The following PRAG1 variants were observed in gnomAD, a reference collection of about 807,000 sequenced individuals.
PRAG1 encodes the protein PEAK1 related, kinase-activating pseudokinase 1, also known as inactive tyrosine-protein kinase PRAG1.
PRAG1 carries 110 observed loss-of-function variants against 95.6 expected under a neutral mutation model. That is an observed-to-expected ratio of 1.15 (90% CI 0.99 to 1.35). The LOEUF (loss-of-function observed/expected upper bound fraction) is 1.35. Ranked by LOEUF, PRAG1 falls within the 40% of genes most tolerant of loss-of-function variation. The pLI is 0.00. For synonymous variants in PRAG1, 1,052 were observed against 819.4 expected (o/e 1.28, Z -4.85); for missense variants, 2,554 against 1,864.7 (o/e 1.37, Z -6.81).
In PRAG1 at chr8:8,339,508, C is replaced by T. The variant is rs1323003421; in HGVS notation, c.2290G>A (p.Ala764Thr). The change falls in exon 4 of 6, where the codon GCC (alanine) becomes ACC (threonine). Residue 764 changes from alanine (A) to threonine (T), a missense_variant. Physicochemically the swap from Ala to Thr is moderately conservative, Grantham distance 58. Transcript: ENST00000615670. ...SFTTGSTDSLASDSRTCSDGG... is the reference protein window; with the variant it reads ...SFTTGSTDSLTSDSRTCSDGG... ...TCGCTGCAGGTCCTAGAGTCTGAGGCCAGGCTGTCCGTGGAGCCGGTGGTG... is the reference window on the plus strand; with the variant it reads ...TCGCTGCAGGTCCTAGAGTCTGAGGTCAGGCTGTCCGTGGAGCCGGTGGTG... 3 of 1,614,166 alleles carry T rather than the reference C, an allele frequency of 1.9e-6. No individual in the cohort carries two copies. The highest frequency in any genetic ancestry group is 2.5e-6 in the Non-Finnish European group (3 of 1,180,024).
rs866561746 is a variant in PRAG1 at position 8,384,927 on chromosome 8, C to T, written c.-88+1394G>A. Among the ~76,000 whole-genome samples the T allele has an allele frequency of 5.3e-5, 8 of 152,172 alleles. No homozygotes were observed. In the South Asian group the frequency reaches 1.7e-3, roughly 32 times the overall value. Reference sequence around the variant, plus strand: ...CCAAGTCATGAAAAAAATGTCTTTGCCTCTGCAAACTTCTGCACTAGATTT... The same window carrying T: ...CCAAGTCATGAAAAAAATGTCTTTGTCTCTGCAAACTTCTGCACTAGATTT... On this transcript the variant is annotated intron_variant, in intron 1 of 5. Transcript: ENST00000615670.
chr8:8,346,602 T>C (rs1189969446), intron 3 of PRAG1, among the ~76,000 whole-genome samples: 1 of 152,234 alleles, frequency 6.6e-6, no homozygotes, highest in Non-Finnish European at 1.5e-5. Context: ...AGCCATCTGC[T>C]AGACTTCCTC....
In PRAG1 at chr8:8,381,741, G is replaced by A; in HGVS notation, c.7C>T (p.Gln3Ter). 1 of 1,584,074 alleles carries A rather than the reference G, an allele frequency of 6.3e-7. No individual in the cohort carries two copies. Among genetic ancestry groups the A allele is most frequent in the Non-Finnish European group, 8.6e-7 (1 of 1,160,960 alleles). ...CTCTCGGGGTTCAGGCAGAGGGTCT[G>A]GTGCATCTTGAGCCGACAGGGTGCT... MH[Q>*]TLCLNPESLK... is the part of the protein sequence containing the mutation. The change falls in exon 2 of 6, where the codon CAG (glutamine) becomes TAG (stop). Residue 3 changes from glutamine to a stop codon, truncating the protein, a stop_gained. Coordinates refer to ENST00000615670, the MANE Select transcript of PRAG1 (RefSeq NM_001080826.3). LOFTEE classifies it high-confidence loss of function.
intron 3 of PRAG1, among the ~76,000 whole-genome samples, chr8:8,360,001 C>T (rs1009542467): frequency 5.3e-5 from 8 of 152,124 alleles, no homozygotes; most frequent in Non-Finnish European, 8.8e-5. Flanking sequence ...CTGTCAATTC[C>T]TCTGAGGAAC....
intron 3 of PRAG1, among the ~76,000 whole-genome samples, chr8:8,351,810 C>T (rs1799531228): frequency 6.6e-6 from 1 of 152,112 alleles, no homozygotes; most frequent in Non-Finnish European, 1.5e-5. Context: ...CCCATGAGTA[C>T]CCTTAGCCTC....
intron 3 of PRAG1, among the ~76,000 whole-genome samples, chr8:8,352,448 C>G (rs1023599168): frequency 6.6e-6 from 1 of 152,180 alleles, no homozygotes; most frequent in Non-Finnish European, 1.5e-5. Flanking sequence ...ATTCATACTA[C>G]CTCTCAGGGC....
At chr8:8,334,435 C>CA (rs11373012) in intron 4 of PRAG1, among the ~76,000 whole-genome samples, 50,078 of 136,548 alleles carry the variant, frequency 0.37, 8,775 homozygotes, top group East Asian at 0.63. Context: ...GACTCCATCT[C>CA]AAAAAAAAAA....
At chr8:8,319,741 A>T (rs1264026681) in intron 5 of PRAG1, among the ~76,000 whole-genome samples, 1 of 152,206 alleles carries the variant, frequency 6.6e-6, no homozygotes, top group African/African-American at 2.4e-5. Context: ...GAATCATGGC[A>T]TGGAGGAAAA....
intron 3 of PRAG1, among the ~76,000 whole-genome samples, chr8:8,357,157 G>GACA (rs1799708153): frequency 6.6e-6 from 1 of 152,122 alleles, no homozygotes; most frequent in South Asian, 2.1e-4. Flanking sequence ...CAAAAGCAAA[G>GACA]ACAACAAAAG....
At chr8:8,350,709 G>C (rs887869387) in intron 3 of PRAG1, among the ~76,000 whole-genome samples, 1 of 152,192 alleles carries the variant, frequency 6.6e-6, no homozygotes, top group Admixed American at 6.5e-5. Flanking sequence ...CTGGGTTCGG[G>C]TCCTGACTCA....
At chr8:8,331,535 T>C (rs911481739) in intron 4 of PRAG1, among the ~76,000 whole-genome samples, 1 of 152,232 alleles carries the variant, frequency 6.6e-6, no homozygotes, top group African/African-American at 2.4e-5. Flanking sequence ...TGAAATCAAA[T>C]AGCTCTAGGC....
chr8:8,359,488 A>C (rs1180860572), intron 3 of PRAG1, among the ~76,000 whole-genome samples: 1 of 152,196 alleles, frequency 6.6e-6, no homozygotes, highest in Non-Finnish European at 1.5e-5. Flanking sequence ...CAACAGGATG[A>C]GTCGTCTAGA....
At chr8:8,338,919 C>G (rs899831573) in intron 4 of PRAG1, among the ~76,000 whole-genome samples, 7 of 152,116 alleles carry the variant, frequency 4.6e-5, no homozygotes, top group Non-Finnish European at 1.0e-4. Context: ...AACAAGAGTT[C>G]CTTTTTAGGG....
chr8:8,374,951 T>C (rs1004918623), intron 3 of PRAG1, among the ~76,000 whole-genome samples: 1 of 152,198 alleles, frequency 6.6e-6, no homozygotes, highest in African/African-American at 2.4e-5. Flanking sequence ...CGAGAAAGTC[T>C]GTTCAGAAAC....
intron 3 of PRAG1, among the ~76,000 whole-genome samples, chr8:8,360,060 A>G (rs1026583768): frequency 2.0e-5 from 3 of 152,176 alleles, no homozygotes; most frequent in Non-Finnish European, 2.9e-5. Context: ...GCAGCTCCTG[A>G]GTCAATCAAA....
At chr8:8,354,334 C>G (rs1799621495) in intron 3 of PRAG1, among the ~76,000 whole-genome samples, 1 of 152,028 alleles carries the variant, frequency 6.6e-6, no homozygotes, top group East Asian at 1.9e-4. Context: ...CTGAATTCTG[C>G]CAAACATTCA....
intron 5 of PRAG1, among the ~76,000 whole-genome samples, chr8:8,324,195 C>A (rs114223573): frequency 6.6e-6 from 1 of 152,160 alleles, no homozygotes; most frequent in East Asian, 1.9e-4. Context: ...ATTGTGCAAA[C>A]CCGAAGAGCA....
rs1370407305 is a variant in PRAG1 at position 8,372,344 on chromosome 8, G to A, written c.2162+3903C>T. ...CAAATTGCCATTAAGTCTTAAGCAT[G>A]ACATTTAAACTATGAGTTCACCCTT... On this transcript the variant is annotated intron_variant, in intron 3 of 5. Coordinates refer to ENST00000615670, the MANE Select transcript of PRAG1 (RefSeq NM_001080826.3). Among the ~76,000 whole-genome samples the A allele has an allele frequency of 2.0e-5, 3 of 152,206 alleles. No homozygotes were observed. In the East Asian group the frequency reaches 5.8e-4, roughly 29 times the overall value.
Position 8,377,394 on chromosome 8 carries a change from C to G in PRAG1, c.1015G>C (p.Asp339His). Residue 339 changes from aspartate (D) to histidine (H), a missense_variant, in exon 3 of 6, where the codon GAC (aspartate) becomes CAC (histidine). By Grantham distance (81) the Asp-to-His change is moderately conservative (BLOSUM62 -1). Transcript: ENST00000615670. ...SLTSEAAISSDGLSCGSGSGS... is the reference protein window; with the variant it reads ...SLTSEAAISSHGLSCGSGSGS... ...CTGCCGCTGCCACAAGAGAGGCCGT[C>G]GGAAGAAATGGCAGCCTCCGAGGTG... The G allele has an allele frequency of 6.3e-7, 1 of 1,584,820 alleles. No homozygotes were observed. Among genetic ancestry groups the G allele is most frequent in the Non-Finnish European group, 8.6e-7 (1 of 1,166,840 alleles).
Sources: gnomAD v4.1 joint callset for allele counts (sites outside exome capture counted in the v4.1 genomes callset) on GRCh38, gnomAD v4.1.1 for gene constraint, MANE v1.5 for transcripts, NCBI Gene and HGNC (gene_info 2026-07-23, HGNC 2026-07-21) for gene names.